LAMA2: variants seen among roughly 807,000 people sequenced by gnomAD.
LAMA2 encodes the protein laminin subunit alpha-2.
Under a neutral mutation model 364.8 loss-of-function variants are expected in LAMA2, and 269 were observed. That is an observed-to-expected ratio of 0.74 (90% CI 0.67 to 0.82). The LOEUF (loss-of-function observed/expected upper bound fraction) is 0.82, where lower values mean the gene tolerates loss of function less well. LAMA2 is among the 40% of genes least tolerant of loss of function. The pLI is 0.00. For missense variants in LAMA2, 3,807 were observed against 3,873.2 expected (o/e 0.98, Z 0.45); for synonymous variants, 1,379 against 1,370.6 (o/e 1.01, Z -0.14).
chr6:129,490,196 C>A (rs1784791090), intron 56 of LAMA2, among the ~76,000 whole-genome samples: 1 of 152,152 alleles, frequency 6.6e-6, no homozygotes, highest in African/African-American at 2.4e-5. Flanking sequence ...AGTAATACAG[C>A]CTCAGGGCAA....
intron 16 of LAMA2, among the ~76,000 whole-genome samples, chr6:129,270,396 T>G (rs891063977): frequency 2.0e-5 from 3 of 152,010 alleles, no homozygotes; most frequent in Non-Finnish European, 4.4e-5. Context: ...AAAATGAATT[T>G]CAATCATCTT....
intron 3 of LAMA2, among the ~76,000 whole-genome samples, chr6:129,066,303 C>G (rs1396168195): frequency 6.6e-6 from 1 of 151,640 alleles, no homozygotes; most frequent in Non-Finnish European, 1.5e-5. Context: ...CCTCGGCCTC[C>G]CAAAGTGCTG....
intron 40 of LAMA2, among the ~76,000 whole-genome samples, chr6:129,406,879 A>G (rs1330491339): frequency 6.6e-6 from 1 of 152,178 alleles, no homozygotes; most frequent in Non-Finnish European, 1.5e-5. Flanking sequence ...CCGAGTCCCA[A>G]AACCTCAAAA....
intron 1 of LAMA2, among the ~76,000 whole-genome samples, chr6:129,034,955 G>A (rs1185435050): frequency 6.6e-6 from 1 of 152,094 alleles, no homozygotes; most frequent in African/African-American, 2.4e-5. Flanking sequence ...ACAAATGTAG[G>A]TGTCTTTTTG....
In LAMA2 at chr6:129,098,161, A is replaced by T. The variant is rs1475731373; in HGVS notation, c.397-12A>T. Reference sequence around the variant, plus strand: ...GGAATTCAATGTTATTGTTGTTGTTATACTTCCCTAGGTGTTCCAGATCGC... The same window carrying T: ...GGAATTCAATGTTATTGTTGTTGTTTTACTTCCCTAGGTGTTCCAGATCGC... On this transcript the variant is annotated splice_polypyrimidine_tract_variant and intron_variant, in intron 3 of 64. Coordinates refer to ENST00000421865, the MANE Select transcript of LAMA2 (RefSeq NM_000426.4). The T allele has an allele frequency of 2.5e-6, 4 of 1,613,682 alleles. No individual in the cohort carries two copies. The Admixed American group carries it at 5.0e-5, about 20-fold the overall frequency.
chr6:129,502,880 T>A, intron 59 of LAMA2, 109 bp downstream of exon 59: 6 of 904,418 alleles, frequency 6.6e-6, no homozygotes, highest in Non-Finnish European at 1.1e-5. Flanking sequence ...AGTTAGCTTT[T>A]CTTTTATTCA....
intron 35 of LAMA2, among the ~76,000 whole-genome samples, chr6:129,385,624 T>C (rs1778972918): frequency 6.6e-6 from 1 of 152,198 alleles, no homozygotes; most frequent in African/African-American, 2.4e-5. Flanking sequence ...TCTATTCATC[T>C]AAGGCATTCT....
intron 60 of LAMA2, 117 bp downstream of exon 60, chr6:129,503,397 A>G: frequency 1.1e-6 from 1 of 922,982 alleles, no homozygotes; most frequent in South Asian, 1.4e-5. Context: ...GCAGAAGCTA[A>G]AAATAAAATA....
chr6:129,202,686 T>A (rs1202074229), intron 12 of LAMA2, among the ~76,000 whole-genome samples: 1 of 152,126 alleles, frequency 6.6e-6, no homozygotes, highest in East Asian at 1.9e-4. Context: ...TATGTTAAAG[T>A]ATTAGGAAAA....
At chr6:129,258,518 A>G (rs1171706342) in intron 14 of LAMA2, among the ~76,000 whole-genome samples, 1 of 151,300 alleles carries the variant, frequency 6.6e-6, no homozygotes, top group Admixed American at 6.6e-5. Context: ...GGAAGAGGGG[A>G]AAAGAGAATG....
chr6:129,190,936 A>G (rs1781486107), intron 11 of LAMA2, among the ~76,000 whole-genome samples: 1 of 152,202 alleles, frequency 6.6e-6, no homozygotes, highest in South Asian at 2.1e-4. Flanking sequence ...TTCACTGCCT[A>G]CACTACCCAC....
chr6:129,408,025 A>G (rs929180807), intron 40 of LAMA2, among the ~76,000 whole-genome samples: 2 of 152,150 alleles, frequency 1.3e-5, no homozygotes, highest in African/African-American at 4.8e-5. Flanking sequence ...GTTTAATGGA[A>G]TCATTGTTGT....
chr6:128,933,670 T>C (rs1334760893), intron 1 of LAMA2, among the ~76,000 whole-genome samples: 1 of 152,228 alleles, frequency 6.6e-6, no homozygotes, highest in African/African-American at 2.4e-5. Context: ...TCCCTGATGA[T>C]TAATGATGTT....
chr6:129,242,463 G>A (rs992710534), intron 12 of LAMA2, among the ~76,000 whole-genome samples: 1 of 152,098 alleles, frequency 6.6e-6, no homozygotes, highest in Non-Finnish European at 1.5e-5. Context: ...CAGCATTGAT[G>A]TTGTATATTA....
intron 53 of LAMA2, among the ~76,000 whole-genome samples, chr6:129,477,795 T>A (rs1243249052): frequency 2.0e-5 from 3 of 152,188 alleles, no homozygotes; most frequent in Admixed American, 1.3e-4. Context: ...AACATTTTTT[T>A]ATTTTGAGAC....
Position 129,402,523 on chromosome 6 carries a change from T to G in LAMA2, c.5726+36T>G, listed in dbSNP as rs898622366. ...TGTTTTTGGAAATGTTTGTGTATTT[T>G]GATGCTTGTCCAAAGGTTTTGACTA... On this transcript the variant is annotated intron_variant, in intron 39 of 64. Coordinates refer to ENST00000421865, the MANE Select transcript of LAMA2 (RefSeq NM_000426.4). 3.7e-6 allele frequency: 6 copies of G among 1,601,564 alleles called. No individual in the cohort carries two copies. In the East Asian group the frequency reaches 1.3e-4, roughly 36 times the overall value.
chr6:129,412,314 A>G (rs374553376), intron 40 of LAMA2, among the ~76,000 whole-genome samples: 3 of 152,172 alleles, frequency 2.0e-5, no homozygotes, highest in African/African-American at 7.2e-5. Context: ...AGGTTCCCCA[A>G]CATCATGGAG....
chr6:129,048,291 A>T (rs896342407), intron 1 of LAMA2, among the ~76,000 whole-genome samples: 11 of 152,102 alleles, frequency 7.2e-5, no homozygotes, highest in Admixed American at 5.9e-4. Flanking sequence ...CTCTGTCCCT[A>T]CTATGTGCCA....
chr6:129,068,605 G>T (rs1773093261), intron 3 of LAMA2, among the ~76,000 whole-genome samples: 1 of 152,162 alleles, frequency 6.6e-6, no homozygotes, highest in African/African-American at 2.4e-5. Context: ...ATCACATTAG[G>T]GGTTAGGATT....
Sources: allele counts gnomAD v4.1 joint callset (sites outside exome capture counted in the v4.1 genomes callset), GRCh38; gene constraint gnomAD v4.1.1; transcripts MANE v1.5; gene names NCBI Gene and HGNC (gene_info 2026-07-23, HGNC 2026-07-21).